Variants in CASZ1 observed in about 807,000 individuals in gnomAD.
CASZ1 encodes castor zinc finger 1.
CASZ1 carries 28 observed loss-of-function variants against 135.2 expected under a neutral mutation model. The observed-to-expected ratio is 0.21, with a 90% CI of 0.15 to 0.28. The LOEUF (loss-of-function observed/expected upper bound fraction) is 0.28, where lower values mean the gene tolerates loss of function less well. CASZ1 is among the 10% of genes least tolerant of loss of function. The pLI is 1.00. For synonymous variants in CASZ1, 1,068 were observed against 1,073.4 expected (o/e 0.99, Z 0.10); for missense variants, 2,161 against 2,453.3 (o/e 0.88, Z 2.52).
At chr1:10,667,410 GC>G (rs1471047077) in intron 4 of CASZ1, among the ~76,000 whole-genome samples, 6 of 152,210 alleles carry the variant, frequency 3.9e-5, no homozygotes, top group Admixed American at 1.3e-4. Flanking sequence ...ACTTGCCCAA[GC>G]CGATGCCCAC....
At chr1:10,678,550 C>G (rs1003501659) in intron 4 of CASZ1, among the ~76,000 whole-genome samples, 2 of 152,298 alleles carry the variant, frequency 1.3e-5, no homozygotes, top group East Asian at 3.9e-4. Flanking sequence ...GCCCACCCAG[C>G]TCCCCCACCC....
chr1:10,763,981 G>A (rs1424778223), intron 1 of CASZ1, among the ~76,000 whole-genome samples: 1 of 152,180 alleles, frequency 6.6e-6, no homozygotes, highest in Non-Finnish European at 1.5e-5. Flanking sequence ...TCCTGCCTCA[G>A]CCTCCCGAGT....
At chr1:10,792,930 A>G (rs956250010) in intron 1 of CASZ1, among the ~76,000 whole-genome samples, 19 of 152,164 alleles carry the variant, frequency 1.2e-4, no homozygotes, top group Non-Finnish European at 2.2e-4. Flanking sequence ...CCCAGAGGCT[A>G]ATTTTCCTAA....
Position 10,700,058 on chromosome 1 carries a change from CAG to C in CASZ1, c.-24+5432_-24+5433del, listed in dbSNP as rs775604464. On this transcript the variant is annotated intron_variant, in intron 3 of 20. Coordinates refer to ENST00000377022, the MANE Select transcript of CASZ1 (RefSeq NM_001079843.3). This position sits in a 1 kb window ranked among gnomAD's most constrained non-coding sequence, Gnocchi z 4.2. ...AGACAGAGAGAGAGAGAAAGAGAGACAGAGAGAGAAAGAGAGATAGAGACACA... is the reference window on the plus strand; with the variant it reads ...AGACAGAGAGAGAGAGAAAGAGAGACAGAGAGAAAGAGAGATAGAGACACA... Among the ~76,000 whole-genome samples, 6 of 121,460 alleles carry C rather than the reference CAG, an allele frequency of 4.9e-5. 1 individual carries two copies. The highest frequency in any genetic ancestry group is 1.6e-4 in the African/African-American group (5 of 30,796). 79.7% of individuals were successfully genotyped at this position (121,460 alleles called of 152,430 possible).
rs942535162 is a variant in CASZ1, at chr1:10,777,977, G to A, written c.-233-17120C>T. On this transcript the variant is annotated intron_variant, in intron 1 of 20. Coordinates refer to ENST00000377022, the MANE Select transcript of CASZ1 (RefSeq NM_001079843.3). This position sits in a 1 kb window ranked among gnomAD's most constrained non-coding sequence, Gnocchi z 4.4. ...ACCACATACAATCTCATACGCAATC[G>A]CATACACAATCTCATACAGTCTCAT... is the stretch of plus-strand genomic sequence containing the variant. Among the ~76,000 whole-genome samples, 1 of 150,128 alleles carries A rather than the reference G, an allele frequency of 6.7e-6. No individual in the cohort carries two copies. Among genetic ancestry groups the A allele is most frequent in the Non-Finnish European group, 1.5e-5 (1 of 67,648 alleles).
chr1:10,674,117 A>G (rs1643490341), intron 4 of CASZ1, among the ~76,000 whole-genome samples: 1 of 152,234 alleles, frequency 6.6e-6, no homozygotes, highest in South Asian at 2.1e-4. Context: ...TGCTGGGGCA[A>G]GATGCCCTCC....
At position 10,653,876 on chromosome 1, in the gene CASZ1, G is replaced by A. The variant is rs1444924256; in HGVS notation, c.2181C>T (p.Asp727=). 3.7e-6 allele frequency: 6 copies of A among 1,613,148 alleles called. No individual in the cohort carries two copies. The highest frequency in any genetic ancestry group is 1.7e-4 in the Middle Eastern group (1 of 6,058). ...HEESSNDDLV[D]FSALSSKNSS... ...AGTTCTTGCTGCTCAGGGCGGAGAAGTCAACAAGGTCGTCGTTGCTGGACT... is the reference window on the plus strand; with the variant it reads ...AGTTCTTGCTGCTCAGGGCGGAGAAATCAACAAGGTCGTCGTTGCTGGACT... The change falls in exon 11 of 21, where the codon GAC becomes GAT. Residue 727 remains aspartate, a synonymous_variant. Transcript: ENST00000377022.
Position 10,647,395 on chromosome 1 carries a change from C to T in CASZ1, c.3497+406G>A, listed in dbSNP as rs1262053434. The T allele has an allele frequency of 3.7e-6, 4 of 1,082,854 alleles. No homozygotes were observed. Among genetic ancestry groups the T allele is most frequent in the Non-Finnish European group, 3.4e-6 (3 of 889,364 alleles). 67.1% of individuals were successfully genotyped at this position (1,082,854 alleles called of 1,614,324 possible). A position where few individuals can be genotyped will look rare whatever the true frequency, so the allele number is the denominator to read the frequency against. On this transcript the variant is annotated intron_variant, in intron 16 of 20. Coordinates refer to ENST00000377022, the MANE Select transcript of CASZ1 (RefSeq NM_001079843.3). The surrounding 1 kb of genome is among the most constrained non-coding windows in gnomAD (Gnocchi z 4.9). The stretch of plus-strand genomic sequence containing the variant: ...GGGGCCTGGCCCCTACCCGTGACTT[C>T]ACGTGCCCTGCAGAGATTCAGCCAT...
chr1:10,770,340 CT>C (rs1296506374), intron 1 of CASZ1, among the ~76,000 whole-genome samples: 1 of 152,232 alleles, frequency 6.6e-6, no homozygotes, highest in Non-Finnish European at 1.5e-5. Flanking sequence ...CTGCTTCAGC[CT>C]CCCAAAGTGC....
In CASZ1 at chr1:10,774,406, T is replaced by C. The variant is rs2100599433; in HGVS notation, c.-233-13549A>G. On this transcript the variant is annotated intron_variant, in intron 1 of 20. Transcript: ENST00000377022. The surrounding 1 kb of genome is among the most constrained non-coding windows in gnomAD (Gnocchi z 4.4). ...GGGCCTCCCTCTCTGTCCCTGAGAT[T>C]AGGGATTTGGAAAAAGTCCCACCAC... Among the ~76,000 whole-genome samples the C allele has an allele frequency of 6.6e-6, 1 of 152,128 alleles. No individual in the cohort carries two copies. Among genetic ancestry groups the C allele is most frequent in the East Asian group, 1.9e-4 (1 of 5,142 alleles).
At chr1:10,664,507 A>G (rs935329560) in intron 5 of CASZ1, among the ~76,000 whole-genome samples, 1 of 152,112 alleles carries the variant, frequency 6.6e-6, no homozygotes, top group Non-Finnish European at 1.5e-5. Flanking sequence ...CGGGCTGGCA[A>G]TCCATGTGGC....
At chr1:10,745,533 C>T (rs1640023980) in intron 2 of CASZ1, among the ~76,000 whole-genome samples, 1 of 152,166 alleles carries the variant, frequency 6.6e-6, no homozygotes, top group Admixed American at 6.5e-5. Flanking sequence ...CACACAGGGT[C>T]TCATACTCAA....
chr1:10,655,896 G>A, intron 8 of CASZ1, 83 bp from the exon 9 acceptor site: 1 of 1,425,452 alleles, frequency 7.0e-7, no homozygotes, highest in Non-Finnish European at 9.8e-7. Context: ...ACCTGGGCCA[G>A]GTGCTGGCCT....
At chr1:10,691,975 G>A (rs2100402989) in intron 4 of CASZ1, among the ~76,000 whole-genome samples, 1 of 152,312 alleles carries the variant, frequency 6.6e-6, no homozygotes, top group East Asian at 1.9e-4. Flanking sequence ...CCAGCTACAG[G>A]AGGAAGCAGC....
chr1:10,656,916 G>C (rs763578643), intron 7 of CASZ1, among the ~76,000 whole-genome samples, 180 bp from the exon 8 acceptor site: 1 of 152,190 alleles, frequency 6.6e-6, no homozygotes, highest in Non-Finnish European at 1.5e-5. Flanking sequence ...TTGAGGCAAA[G>C]AGGCCTGGCC....
intron 20 of CASZ1, among the ~76,000 whole-genome samples, chr1:10,640,290 G>A (rs1452994713): frequency 6.6e-6 from 1 of 152,170 alleles, no homozygotes; most frequent in Non-Finnish European, 1.5e-5. Flanking sequence ...GGGCCACACA[G>A]GCCTCTCCCC....
Position 10,660,548 on chromosome 1 carries a change from G to C in CASZ1, c.506-12C>G, listed in dbSNP as rs1367068644. ...CGAGGAGGCCTCTCCTGCAGAGGAGGATGGGGGCGCATCACCTCTGGGAGG... is the reference window on the plus strand; with the variant it reads ...CGAGGAGGCCTCTCCTGCAGAGGAGCATGGGGGCGCATCACCTCTGGGAGG... On this transcript the variant is annotated splice_polypyrimidine_tract_variant and intron_variant, in intron 5 of 20. Coordinates refer to ENST00000377022, the MANE Select transcript of CASZ1 (RefSeq NM_001079843.3). 9.4e-6 allele frequency: 15 copies of C among 1,604,116 alleles called. No individual in the cohort carries two copies. The highest frequency in any genetic ancestry group is 1.3e-5 in the Non-Finnish European group (15 of 1,176,658).
At position 10,701,482 on chromosome 1, in the gene CASZ1, A is replaced by G. The variant is rs564383800; in HGVS notation, c.-24+4010T>C. On this transcript the variant is annotated intron_variant, in intron 3 of 20. Coordinates refer to ENST00000377022, the MANE Select transcript of CASZ1 (RefSeq NM_001079843.3). This position sits in a 1 kb window ranked among gnomAD's most constrained non-coding sequence, Gnocchi z 6.3. ...GAGAGGATGGGAAGGACTTAGGTCC[A>G]GCCCCCTCTCGCCAAAGCTCGCCCT... Among the ~76,000 whole-genome samples the G allele has an allele frequency of 6.6e-6, 1 of 152,290 alleles. No individual in the cohort carries two copies. The highest frequency in any genetic ancestry group is 1.9e-4 in the East Asian group (1 of 5,176).
chr1:10,668,021 C>G (rs1331032376), intron 4 of CASZ1, among the ~76,000 whole-genome samples: 1 of 152,234 alleles, frequency 6.6e-6, no homozygotes, highest in Admixed American at 6.5e-5. Flanking sequence ...CCCAGCCCAC[C>G]TGCCTTCCAG....
Sources: gnomAD v4.1 joint callset for allele counts (sites outside exome capture counted in the v4.1 genomes callset) on GRCh38, gnomAD v4.1.1 for gene constraint, Gnocchi (gnomAD v3.1) non-coding constraint, MANE v1.5 for transcripts, NCBI Gene and HGNC (gene_info 2026-07-23, HGNC 2026-07-21) for gene names.